COL26A1: variants seen among roughly 807,000 people sequenced by gnomAD.
COL26A1 encodes collagen alpha-1(XXVI) chain.
A neutral mutation model predicts 59.3 loss-of-function variants in COL26A1; 41 were observed. The ratio of observed to expected loss-of-function variants is 0.69; its 90% CI spans 0.54 to 0.90. COL26A1 has a LOEUF of 0.90. Ranked by LOEUF, COL26A1 falls within the 40% of genes least tolerant of loss-of-function variation. The probability of loss-of-function intolerance (pLI) is 0.00; values close to 1 mark genes in which losing one functional copy is unlikely to be tolerated. For synonymous variants in COL26A1, 266 were observed against 256.0 expected (o/e 1.04, Z -0.37); for missense variants, 612 against 602.3 (o/e 1.02, Z -0.17).
chr7:101,543,493 G>A (rs558149405), intron 5 of COL26A1, among the ~76,000 whole-genome samples: 2 of 152,200 alleles, frequency 1.3e-5, no homozygotes, highest in African/African-American at 4.8e-5. Context: ...GCTGTCCCCT[G>A]GCCACACAGC....
chr7:101,410,723 A>T (rs10441299), intron 1 of COL26A1, among the ~76,000 whole-genome samples: 3 of 151,636 alleles, frequency 2.0e-5, no homozygotes, highest in African/African-American at 4.8e-5. Context: ...TTTGAGACGG[A>T]GTCTTGCTCT....
At chr7:101,492,827 G>A (rs1032597364) in intron 3 of COL26A1, among the ~76,000 whole-genome samples, 21 of 152,160 alleles carry the variant, frequency 1.4e-4, no homozygotes, top group African/African-American at 4.6e-4. Context: ...GCAGCTTCCA[G>A]CTCCTGGGCT....
intron 8 of COL26A1, among the ~76,000 whole-genome samples, chr7:101,547,563 A>G (rs1795764137): frequency 6.6e-6 from 1 of 152,156 alleles, no homozygotes; most frequent in Non-Finnish European, 1.5e-5. Context: ...GGAAGTCCCT[A>G]CCTTTGAGGC....
At chr7:101,446,569 G>A (rs997828488) in intron 2 of COL26A1, among the ~76,000 whole-genome samples, 2 of 152,130 alleles carry the variant, frequency 1.3e-5, no homozygotes, top group Admixed American at 6.6e-5. Context: ...AAAGATGGCC[G>A]GGTGCCATGG....
At chr7:101,489,660 TCTTCCTTCCTTCCTTC>T (rs374707598) in intron 3 of COL26A1, among the ~76,000 whole-genome samples, 1 of 48,624 alleles carries the variant, frequency 2.1e-5, no homozygotes, top group African/African-American at 1.7e-4. Context: ...TTTCTTTCTT[TCTTCCTTCCTTCCTTC>T]CTTCCTTTCT....
chr7:101,419,941 C>T lies in COL26A1; in HGVS notation c.159-36C>T, dbSNP rs549932710. 98 of 1,605,326 alleles carry T rather than the reference C, an allele frequency of 6.1e-5. 2 individuals are homozygous for T. In the South Asian group the frequency reaches 9.2e-4, roughly 15 times the overall value. ...GACCCGAAGTTGGCAGCTCTGGGAA[C>T]AGGCAGGGCTCATGTGACTGTTGCT... On this transcript the variant is annotated intron_variant, in intron 1 of 12. Coordinates refer to ENST00000313669, the MANE Select transcript of COL26A1 (RefSeq NM_001278563.3).
At chr7:101,500,907 C>T (rs1035038212) in intron 3 of COL26A1, among the ~76,000 whole-genome samples, 1 of 151,766 alleles carries the variant, frequency 6.6e-6, no homozygotes, top group East Asian at 1.9e-4. Flanking sequence ...TAGGAACCAC[C>T]GGGCGGTGGC....
intron 1 of COL26A1, among the ~76,000 whole-genome samples, chr7:101,401,527 AGAG>A (rs1161603755): frequency 6.8e-6 from 1 of 148,134 alleles, no homozygotes; most frequent in Non-Finnish European, 1.5e-5. Context: ...AGGAGGACAA[AGAG>A]AAGGAGGAGG....
intron 8 of COL26A1, among the ~76,000 whole-genome samples, chr7:101,548,394 G>A (rs57220607): frequency 0.15 from 22,960 of 152,220 alleles, 2,099 homozygotes; most frequent in Middle Eastern, 0.24. Context: ...ACACACATGA[G>A]ACCCAGCCCG....
intron 1 of COL26A1, among the ~76,000 whole-genome samples, chr7:101,368,826 T>C (rs942201853): frequency 1.3e-5 from 2 of 151,994 alleles, no homozygotes; most frequent in African/African-American, 4.8e-5. Flanking sequence ...TTTTGACTCT[T>C]TTTAAAATTC....
At chr7:101,510,360 C>T (rs1427774667) in intron 3 of COL26A1, among the ~76,000 whole-genome samples, 1 of 151,718 alleles carries the variant, frequency 6.6e-6, no homozygotes, top group African/African-American at 2.4e-5. Flanking sequence ...TAAATGAGAT[C>T]ATGAAATCGC....
At chr7:101,407,852 T>C (rs1188293172) in intron 1 of COL26A1, among the ~76,000 whole-genome samples, 1 of 152,158 alleles carries the variant, frequency 6.6e-6, no homozygotes, top group Non-Finnish European at 1.5e-5. Context: ...AAGTTACCAC[T>C]TAATCATATG....
chr7:101,396,868 C>T (rs572126690), intron 1 of COL26A1, among the ~76,000 whole-genome samples: 55 of 152,272 alleles, frequency 3.6e-4, no homozygotes, highest in Middle Eastern at 3.4e-3. Flanking sequence ...AGAGCAAGAC[C>T]CAGTGGAGAT....
At chr7:101,524,861 G>A (rs530279717) in intron 3 of COL26A1, among the ~76,000 whole-genome samples, 1 of 152,256 alleles carries the variant, frequency 6.6e-6, no homozygotes, top group East Asian at 1.9e-4. Context: ...GCTTTGGCCT[G>A]TGGTCCAGCC....
intron 1 of COL26A1, among the ~76,000 whole-genome samples, chr7:101,401,113 G>A (rs369933171): frequency 2.6e-4 from 39 of 152,292 alleles, no homozygotes; most frequent in African/African-American, 7.9e-4. Context: ...CAGGGATGGC[G>A]CTGTCATACC....
chr7:101,366,637 AC>A (rs1196862015), intron 1 of COL26A1, among the ~76,000 whole-genome samples: 1 of 151,478 alleles, frequency 6.6e-6, no homozygotes, highest in Admixed American at 6.6e-5. Context: ...AGTAGTTGGG[AC>A]CATAGGCATG....
intron 3 of COL26A1, among the ~76,000 whole-genome samples, chr7:101,481,849 C>T (rs1408856036): frequency 6.6e-6 from 1 of 151,906 alleles, no homozygotes; most frequent in Non-Finnish European, 1.5e-5. Flanking sequence ...TCTTTTTAAC[C>T]TTCTTAAGTT....
intron 3 of COL26A1, among the ~76,000 whole-genome samples, chr7:101,484,628 CAA>C (rs1794230130): frequency 6.6e-6 from 1 of 151,858 alleles, no homozygotes; most frequent in African/African-American, 2.4e-5. Context: ...CTCAGCCTCC[CAA>C]AGTGCTGGAA....
intron 5 of COL26A1, 23 bp from the exon 6 acceptor site, chr7:101,543,975 G>T: frequency 6.6e-7 from 1 of 1,516,992 alleles, no homozygotes; most frequent in African/African-American, 1.4e-5. Flanking sequence ...ATGTTCTGAT[G>T]CCCTGTCTCC....
Sources: allele counts gnomAD v4.1 joint callset (sites outside exome capture counted in the v4.1 genomes callset), GRCh38; gene constraint gnomAD v4.1.1; transcripts MANE v1.5; gene names NCBI Gene and HGNC (gene_info 2026-07-23, HGNC 2026-07-21).